Variants in PGD observed in about 807,000 individuals in gnomAD.
PGD encodes 6-phosphogluconate dehydrogenase, decarboxylating.
In PGD, 21 loss-of-function variants were observed where a neutral mutation model predicts 60.4. That is an observed-to-expected ratio of 0.35 (90% CI 0.25 to 0.50). The LOEUF (loss-of-function observed/expected upper bound fraction) is 0.50, where lower values mean the gene tolerates loss of function less well. Ranked by LOEUF, PGD falls within the 20% of genes least tolerant of loss-of-function variation. PGD has a pLI of 0.98. For missense variants in PGD, 477 were observed against 613.1 expected (o/e 0.78, Z 2.34); for synonymous variants, 230 against 235.9 (o/e 0.97, Z 0.23).
At chr1:10,418,800 C>G in intron 10 of PGD, 26 bp from the exon 11 acceptor site, 23 of 1,106,488 alleles carry the variant, frequency 2.1e-5, no homozygotes, top group Non-Finnish European at 2.9e-5. Flanking sequence ...AGACTCATTG[C>G]TTTTTTCCCC....
Position 10,417,035 on chromosome 1 carries a change from T to A in PGD, c.893T>A (p.Ile298Asn). 1 of 1,613,974 alleles carries A rather than the reference T, an allele frequency of 6.2e-7. No homozygotes were observed. The highest frequency in any genetic ancestry group is 8.5e-7 in the Non-Finnish European group (1 of 1,179,842). ...TTATCATCTCTGAAGGATGAGAGAA[T>A]TCAAGCTAGCAAAAAGCTGAAGGGT... Reference protein sequence around the residue: ...RCLSSLKDERIQASKKLKGPQ... With the variant: ...RCLSSLKDERNQASKKLKGPQ... The change falls in exon 9 of 13, where the codon ATT becomes AAT. Residue 298 changes from isoleucine (I) to asparagine (N), a missense_variant. This residue lies in a region of PGD where 431 missense variants were observed against 556.6 expected (regional missense o/e 0.77). Transcript: ENST00000270776.
chr1:10,411,391 G>A, intron 6 of PGD, 27 bp from the exon 7 acceptor site: 3 of 1,611,780 alleles, frequency 1.9e-6, no homozygotes, highest in African/African-American at 1.3e-5. Flanking sequence ...TTCTCTGAAG[G>A]CCTCTTGGTG....
At chr1:10,403,590 G>GAA (rs71583866) in intron 4 of PGD, among the ~76,000 whole-genome samples, 3,368 of 67,078 alleles carry the variant, frequency 0.05, 423 homozygotes, top group African/African-American at 0.19. Context: ...AACTCCATCT[G>GAA]AAAAAAAAAA....
Position 10,419,913 on chromosome 1 carries a change from G to A in PGD, c.*164G>A. ...CAGTTTATTTGTAAAGTAGCTCTGT[G>A]AGAGCCACCATGCCCTCTGCCCTTG... On this transcript the variant is annotated 3_prime_UTR_variant, in exon 13 of 13. Transcript: ENST00000270776. The A allele has an allele frequency of 2.5e-6, 2 of 797,242 alleles. No individual in the cohort carries two copies. The highest frequency in any genetic ancestry group is 3.4e-5 in the South Asian group (2 of 59,698). 49.4% of individuals were successfully genotyped at this position (797,242 alleles called of 1,614,324 possible).
chr1:10,416,498 G>A (rs1363962753), intron 8 of PGD, among the ~76,000 whole-genome samples: 1 of 152,178 alleles, frequency 6.6e-6, no homozygotes, highest in African/African-American at 2.4e-5. Context: ...CTTTCTTCTG[G>A]TTGCTGTGCG....
At chr1:10,414,754 A>G (rs1639565972) in intron 8 of PGD, among the ~76,000 whole-genome samples, 1 of 151,868 alleles carries the variant, frequency 6.6e-6, no homozygotes, top group East Asian at 1.9e-4. Context: ...CTCGTGGTTA[A>G]TGAGAGGCTG....
In PGD at chr1:10,413,261, T is replaced by C. The variant is rs755159228; in HGVS notation, c.844+10T>C. On this transcript the variant is annotated intron_variant, in intron 8 of 12. Coordinates refer to ENST00000270776, the MANE Select transcript of PGD (RefSeq NM_002631.4). Reference sequence around the variant, plus strand: ...CCCGTCACCCTCATTGGTAATGTTATGCTTTTCACATGGGCCCTTTCGTCC... The same window carrying C: ...CCCGTCACCCTCATTGGTAATGTTACGCTTTTCACATGGGCCCTTTCGTCC... 1.9e-6 allele frequency: 3 copies of C among 1,610,882 alleles called. No homozygotes were observed. The highest frequency in any genetic ancestry group is 1.1e-5 in the South Asian group (1 of 91,032).
At position 10,408,057 on chromosome 1, in the gene PGD, GT is replaced by G. The variant is rs754811512; in HGVS notation, c.450-11del. 2 of 1,561,808 alleles carry G rather than the reference GT, an allele frequency of 1.3e-6. No individual in the cohort carries two copies. Among genetic ancestry groups the G allele is most frequent in the South Asian group, 2.2e-5 (2 of 90,046 alleles). On this transcript the variant is annotated splice_polypyrimidine_tract_variant and intron_variant, in intron 5 of 12. Coordinates refer to ENST00000270776, the MANE Select transcript of PGD (RefSeq NM_002631.4). ...CTCTTCTCATTAACTGAACCACACT[GT>G]TTCTTTACACAGGCCCCACATCAAG...
At chr1:10,400,658 G>GT in intron 3 of PGD, 86 bp downstream of exon 3, 1 of 1,000,802 alleles carries the variant, frequency 1.0e-6, no homozygotes, top group Non-Finnish European at 1.4e-6. Context: ...TAACTCTAGA[G>GT]ATTTTTTTTT....
intron 1 of PGD, 148 bp from the exon 2 acceptor site, chr1:10,399,481 G>A: frequency 2.8e-6 from 2 of 711,728 alleles, no homozygotes; most frequent in Non-Finnish European, 4.7e-6. Context: ...GCTCTGCAGC[G>A]TGCGCGCCCG....
intron 5 of PGD, among the ~76,000 whole-genome samples, chr1:10,407,861 A>G (rs576719236): frequency 7.8e-4 from 118 of 151,848 alleles, no homozygotes; most frequent in African/African-American, 2.8e-3. Context: ...CAGGAAGATT[A>G]CTTGAACCTG....
intron 3 of PGD, among the ~76,000 whole-genome samples, chr1:10,402,247 A>T (rs1417066255): frequency 2.0e-5 from 3 of 152,064 alleles, no homozygotes; most frequent in African/African-American, 7.2e-5. Context: ...ATACTTACTT[A>T]AAAATAGAAA....
In PGD at chr1:10,418,810, C is replaced by T; in HGVS notation, c.1110-16C>T. On this transcript the variant is annotated splice_polypyrimidine_tract_variant and intron_variant, in intron 10 of 12. Coordinates refer to ENST00000270776, the MANE Select transcript of PGD (RefSeq NM_002631.4). ...AAAAAAGACTCATTGCTTTTTTCCC[C>T]CCTTGATTATTTCAGTGTATTCCTA... 4 of 1,448,690 alleles carry T rather than the reference C, an allele frequency of 2.8e-6. No homozygotes were observed. The highest frequency in any genetic ancestry group is 3.8e-6 in the Non-Finnish European group (4 of 1,044,298). 89.7% of individuals were successfully genotyped at this position (1,448,690 alleles called of 1,614,324 possible).
rs1569998666 is a variant in PGD, at chr1:10,419,871, C to G, written c.*122C>G. The G allele has an allele frequency of 4.3e-6, 5 of 1,162,252 alleles. No homozygotes were observed. The East Asian group carries it at 7.1e-5, about 16-fold the overall frequency. 72.0% of individuals were successfully genotyped at this position (1,162,252 alleles called of 1,614,324 possible). The stretch of plus-strand genomic sequence containing the variant: ...AGTTTTTTAAAAGTGTTGTAAGAGA[C>G]TCCTGAGGAAGACACACAGTTTATT... On this transcript the variant is annotated 3_prime_UTR_variant, in exon 13 of 13. Transcript: ENST00000270776.
At chr1:10,402,788 G>T (rs1639337201) in intron 3 of PGD, among the ~76,000 whole-genome samples, 1 of 151,994 alleles carries the variant, frequency 6.6e-6, no homozygotes, top group South Asian at 2.1e-4. Context: ...CTCCCAAAGT[G>T]CTGGGATAAC....
intron 3 of PGD, among the ~76,000 whole-genome samples, chr1:10,401,992 G>C (rs1045719803): frequency 7.9e-5 from 12 of 152,082 alleles, no homozygotes; most frequent in African/African-American, 2.7e-4. Flanking sequence ...TGCAGCCTGG[G>C]TGACAGTGCG....
chr1:10,419,010 T>C (rs1639644493), intron 11 of PGD, 85 bp downstream of exon 11: 1 of 843,798 alleles, frequency 1.2e-6, no homozygotes, highest in African/African-American at 1.7e-5. Context: ...TTTTTTTTTT[T>C]GGTTTTTTGT....
In PGD at chr1:10,411,282, T is replaced by A. The variant is rs1443394754; in HGVS notation, c.520-136T>A. 4 of 832,260 alleles carry A rather than the reference T, an allele frequency of 4.8e-6. No homozygotes were observed. The Admixed American group carries it at 1.0e-4, about 21-fold the overall frequency. 51.6% of individuals were successfully genotyped at this position (832,260 alleles called of 1,614,324 possible). A position where few individuals can be genotyped will look rare whatever the true frequency, so the allele number is the denominator to read the frequency against. On this transcript the variant is annotated intron_variant, in intron 6 of 12. Coordinates refer to ENST00000270776, the MANE Select transcript of PGD (RefSeq NM_002631.4). ...TATATGATTCTTGTATCAAAAATGCTGTACTCATTTTATACTTGTTATTTT... is the reference window on the plus strand; with the variant it reads ...TATATGATTCTTGTATCAAAAATGCAGTACTCATTTTATACTTGTTATTTT...
chr1:10,407,619 T>A (rs2102390579), intron 5 of PGD, among the ~76,000 whole-genome samples: 1 of 152,276 alleles, frequency 6.6e-6, no homozygotes, highest in Middle Eastern at 3.4e-3. Flanking sequence ...ATTCATTATC[T>A]TTTTGTGGGC....
Sources: gnomAD v4.1 joint callset for allele counts (sites outside exome capture counted in the v4.1 genomes callset) on GRCh38, gnomAD v4.1.1 for gene constraint, gnomAD v4.1.1 regional missense constraint, MANE v1.5 for transcripts, NCBI Gene and HGNC (gene_info 2026-07-23, HGNC 2026-07-21) for gene names.